Variants in TBCD observed in about 807,000 individuals in gnomAD.
The protein encoded by TBCD is tubulin-specific chaperone D.
TBCD carries 105 observed loss-of-function variants against 169.3 expected under a neutral mutation model. The observed-to-expected ratio is 0.62, with a 90% CI of 0.53 to 0.73. TBCD has a LOEUF of 0.73. Ranked by LOEUF, TBCD falls within the 30% of genes least tolerant of loss-of-function variation. The probability of loss-of-function intolerance (pLI) is 0.00; values close to 1 mark genes in which losing one functional copy is unlikely to be tolerated. For synonymous variants in TBCD, 700 were observed against 643.9 expected, an observed-to-expected ratio of 1.09 and a Z score of -1.32; for missense variants, 1,444 against 1,600.1, an observed-to-expected ratio of 0.90 and a Z score of 1.66.
At chr17:82,810,290 C>T (rs993514703) in intron 12 of TBCD, among the ~76,000 whole-genome samples, 4 of 152,178 alleles carry the variant, frequency 2.6e-5, no homozygotes, top group African/African-American at 9.7e-5. Context: ...AACCCCATCT[C>T]TACAGAGAGT....
Position 82,942,679 on chromosome 17 carries a change from C to T in TBCD, c.*216C>T, listed in dbSNP as rs571316060. ...CTGCCTTCACTTGAACACAAATGTG[C>T]TTCCTATAAAATCATGTACCAAGAA... On this transcript the variant is annotated 3_prime_UTR_variant, in exon 39 of 39. Coordinates refer to ENST00000355528, the MANE Select transcript of TBCD (RefSeq NM_005993.5). The T allele has an allele frequency of 1.4e-4, 89 of 620,212 alleles. 2 individuals are homozygous for T. In the South Asian group the frequency reaches 1.7e-3, roughly 12 times the overall value. The allele number at this position is 620,212 out of a possible 1,614,324, so 38.4% of individuals were successfully genotyped here.
rs745690011 is a variant in TBCD at position 82,813,509 on chromosome 17, G to A, written c.1224-1331G>A. Among the ~76,000 whole-genome samples, 38 of 152,260 alleles carry A rather than the reference G, an allele frequency of 2.5e-4. 1 individual carries two copies. The highest frequency in any genetic ancestry group is 6.5e-4 in the Admixed American group (10 of 15,298). On this transcript the variant is annotated intron_variant, in intron 12 of 38. Coordinates refer to ENST00000355528, the MANE Select transcript of TBCD (RefSeq NM_005993.5). ...TGGTGCTGGGCCTCTGAGGCGAGCCGGATGGACGGACGGCATCCCCTGGAC... is the reference window on the plus strand; with the variant it reads ...TGGTGCTGGGCCTCTGAGGCGAGCCAGATGGACGGACGGCATCCCCTGGAC...
At position 82,890,799 on chromosome 17, in the gene TBCD, C is replaced by A. The variant is rs2059079992; in HGVS notation, c.1563+1102C>A. Reference sequence around the variant, plus strand: ...CCAGTTCACTAGGAAGAGACACCAGCCTTGCAAGGGGAGCCTGGGTGTGCA... The same window carrying A: ...CCAGTTCACTAGGAAGAGACACCAGACTTGCAAGGGGAGCCTGGGTGTGCA... On this transcript the variant is annotated intron_variant, in intron 16 of 38. Transcript: ENST00000355528. The surrounding 1 kb of genome is among the most constrained non-coding windows in gnomAD (Gnocchi z 5.3). Among the ~76,000 whole-genome samples the A allele has an allele frequency of 6.6e-6, 1 of 152,202 alleles. No individual in the cohort carries two copies. Among genetic ancestry groups the A allele is most frequent in the African/African-American group, 2.4e-5 (1 of 41,454 alleles).
chr17:82,810,721 G>A lies in TBCD; in HGVS notation c.1223+939G>A, dbSNP rs185186277. Among the ~76,000 whole-genome samples, 384 of 152,354 alleles carry A rather than the reference G, an allele frequency of 2.5e-3. 1 individual carries two copies. Among genetic ancestry groups the A allele is most frequent in the African/African-American group, 8.6e-3 (357 of 41,588 alleles). ...CAGAAGCGGAGGGTCGAGAGCAGGCGTCCAGCTTGCTCAGGACCCCGGGCG... is the reference window on the plus strand; with the variant it reads ...CAGAAGCGGAGGGTCGAGAGCAGGCATCCAGCTTGCTCAGGACCCCGGGCG... On this transcript the variant is annotated intron_variant, in intron 12 of 38. Coordinates refer to ENST00000355528, the MANE Select transcript of TBCD (RefSeq NM_005993.5).
At position 82,782,921 on chromosome 17, in the gene TBCD, C is replaced by T. The variant is rs547427397; in HGVS notation, c.771+1200C>T. On this transcript the variant is annotated intron_variant, in intron 7 of 38. Coordinates refer to ENST00000355528, the MANE Select transcript of TBCD (RefSeq NM_005993.5). The surrounding 1 kb of genome is among the most constrained non-coding windows in gnomAD (Gnocchi z 5.1). ...GTCTTCCTGTCTGCGGTGTCGTCTT[C>T]CTGTCCATGGCGGCCTCCTGTCCGC... Among the ~76,000 whole-genome samples the T allele has an allele frequency of 6.6e-6, 1 of 150,962 alleles. No individual in the cohort carries two copies. The highest frequency in any genetic ancestry group is 2.1e-4 in the South Asian group (1 of 4,734).
At chr17:82,886,294 T>G (rs2058702698) in intron 15 of TBCD, 1 of 152,140 alleles carries the variant, frequency 6.6e-6, no homozygotes, top group Non-Finnish European at 1.5e-5. Context: ...TGTGAGTGAG[T>G]TTGTGAAAAC....
At chr17:82,816,080 G>A (rs552218655) in intron 13 of TBCD, among the ~76,000 whole-genome samples, 26 of 151,990 alleles carry the variant, frequency 1.7e-4, no homozygotes, top group African/African-American at 5.3e-4. Flanking sequence ...CAGCACCCCC[G>A]CCCTGGCAGC....
intron 8 of TBCD, among the ~76,000 whole-genome samples, chr17:82,800,046 G>T (rs1374993079): frequency 7.0e-6 from 1 of 142,272 alleles, no homozygotes; most frequent in Non-Finnish European, 1.5e-5. Context: ...CCGCCCCACT[G>T]CCCCTTCCTC....
chr17:82,895,826 G>A (rs1008864025), intron 17 of TBCD: 2 of 152,130 alleles, frequency 1.3e-5, no homozygotes, highest in Non-Finnish European at 2.9e-5. Context: ...CTGCAAATTG[G>A]AGTTTCGGAC....
At chr17:82,853,672 T>C (rs1199892535) in intron 13 of TBCD, among the ~76,000 whole-genome samples, 2 of 152,192 alleles carry the variant, frequency 1.3e-5, no homozygotes, top group Non-Finnish European at 2.9e-5. Context: ...CCCAAAGTAT[T>C]GCGATTACAG....
At position 82,909,324 on chromosome 17, in the gene TBCD, C is replaced by A; in HGVS notation, c.2006+17C>A. 6.6e-7 allele frequency: 1 copy of A among 1,522,330 alleles called. No homozygotes were observed. Among genetic ancestry groups the A allele is most frequent in the South Asian group, 1.2e-5 (1 of 82,174 alleles). The allele number at this position is 1,522,330 out of a possible 1,614,324, so 94.3% of individuals were successfully genotyped here. ...GTTATACAGGTGAGCTTTACAAAAC[C>A]AAAGTTCTTATATCTGTGTCCTAAT... On this transcript the variant is annotated intron_variant, in intron 22 of 38. Coordinates refer to ENST00000355528, the MANE Select transcript of TBCD (RefSeq NM_005993.5).
chr17:82,938,890 C>T (rs2062870263), intron 36 of TBCD, among the ~76,000 whole-genome samples: 1 of 102,216 alleles, frequency 9.8e-6, no homozygotes, highest in Admixed American at 1.0e-4. Flanking sequence ...TAATAGATAG[C>T]GGGCGAGATT....
At position 82,782,738 on chromosome 17, in the gene TBCD, C is replaced by T. The variant is rs565965142; in HGVS notation, c.771+1017C>T. 2.6e-5 allele frequency among the ~76,000 whole-genome samples: 4 copies of T among 151,714 alleles called. No individual in the cohort carries two copies. The highest frequency in any genetic ancestry group is 2.9e-5 in the Non-Finnish European group (2 of 67,934). On this transcript the variant is annotated intron_variant, in intron 7 of 38. Coordinates refer to ENST00000355528, the MANE Select transcript of TBCD (RefSeq NM_005993.5). The surrounding 1 kb of genome is among the most constrained non-coding windows in gnomAD (Gnocchi z 5.1). ...GGCGTCGTCCTCCTGTCCGCAGCAT[C>T]GTCTTCCTATCCGCGGCATTGTCTT...
intron 7 of TBCD, among the ~76,000 whole-genome samples, chr17:82,791,327 G>A (rs1242861324): frequency 3.9e-5 from 6 of 152,068 alleles, no homozygotes; most frequent in Non-Finnish European, 8.8e-5. Context: ...TCCTGACCTC[G>A]TGATCTGCCT....
rs576762001 is a variant in TBCD at position 82,832,938 on chromosome 17, A to G, written c.1318+18004A>G. On this transcript the variant is annotated intron_variant, in intron 13 of 38. Transcript: ENST00000355528. The surrounding 1 kb of genome is among the most constrained non-coding windows in gnomAD (Gnocchi z 4.9). ...AGTGTCTGTTCTGAGAATGCCTGTA[A>G]GCCTTTGAGTTTTGGGAACTTTCAT... is the stretch of plus-strand genomic sequence containing the variant. Among the ~76,000 whole-genome samples the G allele has an allele frequency of 6.6e-6, 1 of 152,238 alleles. No individual in the cohort carries two copies. The highest frequency in any genetic ancestry group is 1.9e-4 in the East Asian group (1 of 5,176).
intron 6 of TBCD, among the ~76,000 whole-genome samples, chr17:82,776,401 C>G (rs2048602107): frequency 1.3e-5 from 2 of 152,010 alleles, no homozygotes; most frequent in African/African-American, 2.4e-5. Flanking sequence ...AGAGCAAGAC[C>G]CTGTCTCAAA....
intron 5 of TBCD, among the ~76,000 whole-genome samples, chr17:82,772,239 C>T (rs1300821349): frequency 6.6e-6 from 1 of 152,202 alleles, no homozygotes; most frequent in African/African-American, 2.4e-5. Flanking sequence ...AGCTCAGGCA[C>T]TTCCTGGGTG....
At chr17:82,902,153 A>AC (rs775519761) in intron 18 of TBCD, among the ~76,000 whole-genome samples, 2 of 151,636 alleles carry the variant, frequency 1.3e-5, no homozygotes, top group Non-Finnish European at 2.9e-5. Flanking sequence ...TAATGTATTG[A>AC]CCCTTTATCT....
At chr17:82,941,588 C>G in intron 38 of TBCD, 105 bp downstream of exon 38, 1 of 998,848 alleles carries the variant, frequency 1.0e-6, no homozygotes, top group Non-Finnish European at 1.5e-6. Flanking sequence ...GTCCACACGG[C>G]CCGTTCCCTC....
Sources: gnomAD v4.1 joint callset for allele counts (sites outside exome capture counted in the v4.1 genomes callset) on GRCh38, gnomAD v4.1.1 for gene constraint, Gnocchi (gnomAD v3.1) non-coding constraint, MANE v1.5 for transcripts, NCBI Gene and HGNC (gene_info 2026-07-23, HGNC 2026-07-21) for gene names.